CXADR: variants seen among roughly 807,000 people sequenced by gnomAD.
CXADR encodes the protein coxsackievirus and adenovirus receptor.
CXADR carries 20 observed loss-of-function variants against 40.3 expected under a neutral mutation model. That is an observed-to-expected ratio of 0.50 (90% CI 0.35 to 0.72). The LOEUF is 0.72. Ranked by LOEUF, CXADR falls within the 30% of genes least tolerant of loss-of-function variation. The pLI, the probability that CXADR is intolerant of heterozygous loss-of-function variation, is 0.01. For synonymous variants in CXADR, 150 were observed against 161.3 expected (o/e 0.93, Z 0.53); for missense variants, 332 against 449.1 (o/e 0.74, Z 2.36).
intron 6 of CXADR, among the ~76,000 whole-genome samples, chr21:17,563,825 C>T (rs923941075): frequency 1.3e-5 from 2 of 150,078 alleles, no homozygotes; most frequent in Non-Finnish European, 3.0e-5. Context: ...CCTGTAGTCC[C>T]AGCCACTCGG....
In CXADR at chr21:17,569,186, T is replaced by C. The variant is rs996747686; in HGVS notation, c.*3494T>C. 5 of 985,234 alleles carry C rather than the reference T, an allele frequency of 5.1e-6. No individual in the cohort carries two copies. The African/African-American group carries it at 8.7e-5, about 17-fold the overall frequency. 61.0% of individuals were successfully genotyped at this position (985,234 alleles called of 1,614,324 possible). On this transcript the variant is annotated 3_prime_UTR_variant, in exon 7 of 7. Transcript: ENST00000284878. ...ATGTACATTTGATGTTATGTGAATG[T>C]TGAGTTTTTTCTTCTAATTTTCACT...
chr21:17,604,150 CA>C, the CXADR span: 3 of 1,281,408 alleles, frequency 2.3e-6, no homozygotes, highest in Admixed American at 2.6e-5. Flanking sequence ...CTTACATAAT[CA>C]AAAAGGAGGA....
rs12483114 is a variant in CXADR at position 17,541,916 on chromosome 21, T to C, written c.44-5111T>C. 583 of 245,774 alleles carry C rather than the reference T, an allele frequency of 2.4e-3. 10 individuals carry two copies. The Admixed American group carries it at 0.03, about 13-fold the overall frequency. The allele number at this position is 245,774 out of a possible 1,614,324, so 15.2% of individuals were successfully genotyped here. ...ACTGTAAAGTTACTACTTTTTCCTCTGTAATGAAAGTGTTTTGTGGGAAGA... is the reference window on the plus strand; with the variant it reads ...ACTGTAAAGTTACTACTTTTTCCTCCGTAATGAAAGTGTTTTGTGGGAAGA... On this transcript the variant is annotated intron_variant, in intron 1 of 6. Transcript: ENST00000284878.
At chr21:17,523,530 C>T (rs1275550203) in intron 1 of CXADR, among the ~76,000 whole-genome samples, 3 of 151,852 alleles carry the variant, frequency 2.0e-5, no homozygotes, top group Non-Finnish European at 4.4e-5. Context: ...CTTATTTCCA[C>T]CTTTCATCTG....
intron 6 of CXADR, among the ~76,000 whole-genome samples, chr21:17,563,441 G>A (rs2061151775): frequency 6.6e-6 from 1 of 151,868 alleles, no homozygotes; most frequent in African/African-American, 2.4e-5. Flanking sequence ...AGGATGTTGG[G>A]GGGGATGGCC....
chr21:17,564,212 G>T (rs1194616548), intron 6 of CXADR, among the ~76,000 whole-genome samples: 1 of 151,206 alleles, frequency 6.6e-6, no homozygotes, highest in African/African-American at 2.4e-5. Context: ...TAAAATGGCG[G>T]CCAGGCGCAG....
At position 17,534,007 on chromosome 21, in the gene CXADR, AATATATATAT is replaced by A. The variant is rs5842646; in HGVS notation, c.44-13008_44-12999del. 2.3e-3 allele frequency among the ~76,000 whole-genome samples: 201 copies of A among 87,910 alleles called. 2 individuals carry two copies. Among genetic ancestry groups the A allele is most frequent in the Admixed American group, 4.1e-3 (24 of 5,832 alleles). The allele number at this position is 87,910 out of a possible 152,430, so 57.7% of individuals were successfully genotyped here. On this transcript the variant is annotated intron_variant, in intron 1 of 6. Coordinates refer to ENST00000284878, the MANE Select transcript of CXADR (RefSeq NM_001338.5). ...CCTGTATTTTCTTCTCTTTCTCAGC[AATATATATAT>A]ATATATATATAGCTATATATATATA... is the stretch of plus-strand genomic sequence containing the variant.
chr21:17,522,336 G>A (rs571052641), intron 1 of CXADR, among the ~76,000 whole-genome samples: 2 of 152,054 alleles, frequency 1.3e-5, no homozygotes, highest in Admixed American at 6.6e-5. Flanking sequence ...TTAGTAGAGC[G>A]GGGGTTTCTC....
intron 1 of CXADR, among the ~76,000 whole-genome samples, chr21:17,535,523 T>C (rs1315670565): frequency 6.6e-6 from 1 of 152,174 alleles, no homozygotes; most frequent in Non-Finnish European, 1.5e-5. Context: ...GTCTTCTGAT[T>C]TCTATGATTC....
At chr21:17,592,442 G>C (rs2061446182) in intron 7 of CXADR, among the ~76,000 whole-genome samples, 1 of 151,764 alleles carries the variant, frequency 6.6e-6, no homozygotes, top group Non-Finnish European at 1.5e-5. Context: ...GTTAAATACA[G>C]ATGAAAAACC....
At chr21:17,513,283 G>A in intron 1 of CXADR, 111 bp downstream of exon 1, 1 of 1,084,618 alleles carries the variant, frequency 9.2e-7, no homozygotes, top group South Asian at 3.1e-5. Context: ...CGATTTGGGG[G>A]CGCTGCTGCA....
At chr21:17,585,571 A>G (rs529222539) in intron 7 of CXADR, among the ~76,000 whole-genome samples, 2 of 152,082 alleles carry the variant, frequency 1.3e-5, no homozygotes, top group South Asian at 4.1e-4. Context: ...ACGCTGGAGT[A>G]CAGTGGCGCC....
chr21:17,516,400 G>T (rs114612485), intron 1 of CXADR, among the ~76,000 whole-genome samples: 1 of 152,258 alleles, frequency 6.6e-6, no homozygotes, highest in African/African-American at 2.4e-5. Flanking sequence ...TTTATTATTA[G>T]CTCTTTAATG....
intron 2 of CXADR, among the ~76,000 whole-genome samples, chr21:17,551,019 T>A (rs1047955518): frequency 1.8e-4 from 28 of 152,180 alleles, no homozygotes; most frequent in African/African-American, 6.3e-4. Context: ...GATAAGCCTT[T>A]GTAGGGGCAG....
At chr21:17,547,423 A>T (rs2060912217) in intron 2 of CXADR, among the ~76,000 whole-genome samples, 1 of 152,198 alleles carries the variant, frequency 6.6e-6, no homozygotes, top group Admixed American at 6.5e-5. Context: ...GAAGAGCAAA[A>T]GATCACTGGA....
intron 1 of CXADR, among the ~76,000 whole-genome samples, chr21:17,514,549 A>G (rs1298615393): frequency 3.2e-5 from 4 of 123,274 alleles, no homozygotes; most frequent in Non-Finnish European, 5.0e-5. Flanking sequence ...AGTTGAGAAC[A>G]CAGTGTGTTC....
chr21:17,536,188 G>A (rs1478943182), intron 1 of CXADR, among the ~76,000 whole-genome samples: 1 of 152,112 alleles, frequency 6.6e-6, no homozygotes, highest in Non-Finnish European at 1.5e-5. Context: ...TGAAGAATAC[G>A]TAGTTGTGAT....
At chr21:17,544,082 A>C (rs535379312) in intron 1 of CXADR, among the ~76,000 whole-genome samples, 1 of 152,322 alleles carries the variant, frequency 6.6e-6, no homozygotes, top group Admixed American at 6.5e-5. Context: ...GAGGAAAAAA[A>C]ATTCCAAGGC....
chr21:17,536,248 A>T (rs2060755118), intron 1 of CXADR, among the ~76,000 whole-genome samples: 1 of 152,170 alleles, frequency 6.6e-6, no homozygotes, highest in Admixed American at 6.5e-5. Flanking sequence ...CTTTTATGTC[A>T]ACAACTATAC....
Sources: gnomAD v4.1 joint callset for allele counts (sites outside exome capture counted in the v4.1 genomes callset) on GRCh38, gnomAD v4.1.1 for gene constraint, MANE v1.5 for transcripts, NCBI Gene and HGNC (gene_info 2026-07-23, HGNC 2026-07-21) for gene names.